ROPN1: variants seen among roughly 807,000 people sequenced by gnomAD.
The protein encoded by ROPN1 is ropporin-1A.
Under a neutral mutation model 20.5 loss-of-function variants are expected in ROPN1, and 14 were observed. That is an observed-to-expected ratio of 0.68 (90% CI 0.45 to 1.07). The LOEUF (loss-of-function observed/expected upper bound fraction) is 1.07, where lower values mean the gene tolerates loss of function less well. ROPN1 is among the 50% of genes least tolerant of loss of function. The pLI, the probability that ROPN1 is intolerant of heterozygous loss-of-function variation, is 0.00. For synonymous variants in ROPN1, 76 were observed against 95.7 expected (o/e 0.79, Z 1.20); for missense variants, 169 against 242.8 (o/e 0.70, Z 2.02).
chr3:123,979,560 T>A (rs1300897750), intron 2 of ROPN1: 1 of 385,262 alleles, frequency 2.6e-6, no homozygotes, highest in East Asian at 7.2e-5. Flanking sequence ...TGAGAGGCTT[T>A]CTGTGCAAAG....
chr3:123,974,510 GAAAC>G (rs2037978850), intron 4 of ROPN1: 1 of 152,126 alleles, frequency 6.6e-6, no homozygotes, highest in Admixed American at 6.5e-5. Flanking sequence ...AATTTTCTCA[GAAAC>G]AAACCTGTCA....
chr3:123,979,607 G>A (rs1185140506), intron 2 of ROPN1: 1 of 362,592 alleles, frequency 2.8e-6, no homozygotes. Context: ...TGTTGTGTAA[G>A]CTCCATCTAC....
intron 1 of ROPN1, among the ~76,000 whole-genome samples, chr3:123,987,290 G>T (rs2038283835): frequency 6.6e-6 from 1 of 152,204 alleles, no homozygotes; most frequent in Admixed American, 6.5e-5. Context: ...AGCTGTTGTG[G>T]TTCAAAAATG....
At chr3:123,982,641 A>G (rs1440365341) in intron 1 of ROPN1, among the ~76,000 whole-genome samples, 2 of 152,166 alleles carry the variant, frequency 1.3e-5, no homozygotes, top group Non-Finnish European at 2.9e-5. Flanking sequence ...GTTGTTTCTG[A>G]TGACTTTTCA....
In ROPN1 at chr3:123,986,018, A is replaced by AAAAAAAAAAAAAAAAAAAAAAAAAAAT. The variant is rs201340337; in HGVS notation, c.-12-5526_-12-5525insATTTTTTTTTTTTTTTTTTTTTTTTTT. 1.7e-4 allele frequency among the ~76,000 whole-genome samples: 16 copies of AAAAAAAAAAAAAAAAAAAAAAAAAAAT among 93,986 alleles called. 7 individuals carry two copies. The East Asian group carries it at 4.9e-3, about 29-fold the overall frequency. The allele number at this position is 93,986 out of a possible 152,430, so 61.7% of individuals were successfully genotyped here. On this transcript the variant is annotated intron_variant, in intron 1 of 5. Coordinates refer to ENST00000405845, the MANE Select transcript of ROPN1 (RefSeq NM_001317774.2). ...AAAAAAAAAAAAAAAAAAAAAAAAA[A>AAAAAAAAAAAAAAAAAAAAAAAAAAAT]TCAAAATATTTAAATTATACTTGAA...
At chr3:123,970,850 G>C (rs1430220923) in intron 4 of ROPN1, among the ~76,000 whole-genome samples, 1 of 152,178 alleles carries the variant, frequency 6.6e-6, no homozygotes, top group Non-Finnish European at 1.5e-5. Context: ...GGTTGACAAT[G>C]AGTGCCAGGA....
intron 1 of ROPN1, among the ~76,000 whole-genome samples, chr3:123,984,611 G>A (rs981068298): frequency 6.6e-6 from 1 of 152,138 alleles, no homozygotes; most frequent in Non-Finnish European, 1.5e-5. Flanking sequence ...TATAGTCAGA[G>A]AGCACTGCTC....
At chr3:123,980,618 G>A in intron 1 of ROPN1, 125 bp from the exon 2 acceptor site, 1 of 751,610 alleles carries the variant, frequency 1.3e-6, no homozygotes, top group Non-Finnish European at 2.1e-6. Flanking sequence ...CAAGACAAAT[G>A]CATTCTATTA....
At chr3:123,978,680 T>A (rs2038074010) in intron 2 of ROPN1, 1 of 153,524 alleles carries the variant, frequency 6.5e-6, no homozygotes, top group South Asian at 2.1e-4. Flanking sequence ...ACGTATTTTG[T>A]CTTGGAAACA....
At chr3:123,969,467 A>G (rs2037870434) in intron 5 of ROPN1, among the ~76,000 whole-genome samples, 1 of 152,182 alleles carries the variant, frequency 6.6e-6, no homozygotes. Flanking sequence ...TGATACAGAC[A>G]CATACCACCA....
chr3:123,983,212 ATGC>A (rs1413352316), intron 1 of ROPN1, among the ~76,000 whole-genome samples: 1 of 152,218 alleles, frequency 6.6e-6, no homozygotes, highest in Non-Finnish European at 1.5e-5. Flanking sequence ...ATTGTGAATA[ATGC>A]TGCTATGAAC....
At chr3:123,973,690 C>A (rs765403218) in intron 4 of ROPN1, among the ~76,000 whole-genome samples, 3 of 152,078 alleles carry the variant, frequency 2.0e-5, no homozygotes, top group Non-Finnish European at 4.4e-5. Context: ...TCAGACACAC[C>A]ACACACTGGT....
At chr3:123,979,248 G>C (rs2038085811) in intron 2 of ROPN1, 2 of 351,832 alleles carry the variant, frequency 5.7e-6, no homozygotes, top group Non-Finnish European at 1.1e-5. Context: ...ACTCCGAAAG[G>C]CCCCTCTTAG....
intron 2 of ROPN1, among the ~76,000 whole-genome samples, chr3:123,978,131 G>A (rs1242993006): frequency 1.2e-4 from 19 of 152,158 alleles, no homozygotes; most frequent in East Asian, 1.9e-4. Context: ...GCCTGTCTCT[G>A]AGCCACGTAG....
chr3:123,987,828 T>C (rs2038299920), intron 1 of ROPN1, among the ~76,000 whole-genome samples: 1 of 152,278 alleles, frequency 6.6e-6, no homozygotes, highest in Admixed American at 6.5e-5. Flanking sequence ...TATTACCTCT[T>C]GAAAGCATGA....
chr3:123,979,692 G>GACCC (rs2038097171), intron 2 of ROPN1: 1 of 400,858 alleles, frequency 2.5e-6, no homozygotes, highest in Non-Finnish European at 5.0e-6. Context: ...CATGCCTGAG[G>GACCC]ACCCCATCAC....
intron 1 of ROPN1, among the ~76,000 whole-genome samples, chr3:123,986,242 A>G (rs540691494): frequency 1.3e-4 from 20 of 151,372 alleles, no homozygotes; most frequent in Non-Finnish European, 2.7e-4. Context: ...AGTCTCCTTA[A>G]GTACTTTATA....
chr3:123,985,743 A>G (rs577284273), intron 1 of ROPN1, among the ~76,000 whole-genome samples: 69 of 152,222 alleles, frequency 4.5e-4, no homozygotes, highest in African/African-American at 1.5e-3. Context: ...GGCTGGGTGC[A>G]GTGGTTCACG....
At chr3:123,983,723 A>T (rs2038197715) in intron 1 of ROPN1, among the ~76,000 whole-genome samples, 1 of 151,952 alleles carries the variant, frequency 6.6e-6, no homozygotes, top group South Asian at 2.1e-4. Context: ...CTTAAAAGTT[A>T]TCAATTATAT....
Sources: gnomAD v4.1 joint callset for allele counts (sites outside exome capture counted in the v4.1 genomes callset) on GRCh38, gnomAD v4.1.1 for gene constraint, MANE v1.5 for transcripts, NCBI Gene and HGNC (gene_info 2026-07-23, HGNC 2026-07-21) for gene names.